CDC73: variants seen among roughly 807,000 people sequenced by gnomAD.
The protein encoded by CDC73 is cell division cycle 73, also known as parafibromin.
Under a neutral mutation model 83.7 loss-of-function variants are expected in CDC73, and 21 were observed. That is an observed-to-expected ratio of 0.25 (90% confidence interval 0.18 to 0.36). CDC73 has a LOEUF of 0.36. CDC73 is among the 10% of genes least tolerant of loss of function. The pLI is 1.00. For synonymous variants in CDC73, 224 were observed against 212.9 expected (o/e 1.05, Z -0.45); for missense variants, 342 against 653.3 (o/e 0.52, Z 5.19).
In CDC73 at chr1:193,212,437, A is replaced by G; in HGVS notation, c.1114A>G (p.Ile372Val). 1 of 1,608,578 alleles carries G rather than the reference A, an allele frequency of 6.2e-7. No homozygotes were observed. The highest frequency in any genetic ancestry group is 2.2e-5 in the East Asian group (1 of 44,672). ...AATTCCTGCAGCTACCACCTCTTTA[A>G]TAACCATGCTTAATGCAAAAGACCT... is the stretch of plus-strand genomic sequence containing the variant. ...IIIPAATTSL[I>V]TMLNAKDLLQ... is the part of the protein sequence containing the mutation. The change falls in exon 13 of 17, where the codon ATA becomes GTA. Residue 372 changes from isoleucine (I) to valine (V), a missense_variant. Transcript: ENST00000367435.
chr1:193,209,674 T>C lies in CDC73; in HGVS notation c.1031-2391T>C, dbSNP rs189395752. On this transcript the variant is annotated intron_variant, in intron 11 of 16. Coordinates refer to ENST00000367435, the MANE Select transcript of CDC73 (RefSeq NM_024529.5). ...TTATATTCTTTTGCAGTTATCTTTT[T>C]TAACTAAACCTCTAAACTTTATTTT... 2.8e-3 allele frequency among the ~76,000 whole-genome samples: 429 copies of C among 152,340 alleles called. 3 individuals carry two copies. Among genetic ancestry groups the C allele is most frequent in the Non-Finnish European group, 4.9e-3 (333 of 68,034 alleles).
At chr1:193,184,981 TTCTTGAGC>T (rs1423695679) in intron 10 of CDC73, among the ~76,000 whole-genome samples, 7 of 152,042 alleles carry the variant, frequency 4.6e-5, no homozygotes, top group Non-Finnish European at 1.0e-4. Flanking sequence ...TATCTTTAAG[TTCTTGAGC>T]CCTGAGTTGC....
chr1:193,220,256 TC>T (rs1677444759), intron 13 of CDC73, among the ~76,000 whole-genome samples: 1 of 134,854 alleles, frequency 7.4e-6, no homozygotes, highest in African/African-American at 2.8e-5. Flanking sequence ...AACCTCCACC[TC>T]CCGGGTTCAA....
chr1:193,172,329 A>G (rs1172733497), intron 10 of CDC73, among the ~76,000 whole-genome samples: 2 of 150,254 alleles, frequency 1.3e-5, no homozygotes, highest in East Asian at 2.0e-4. Context: ...TGATAAAGTT[A>G]TGAGGTTTCT....
intron 2 of CDC73, among the ~76,000 whole-genome samples, chr1:193,126,219 T>G (rs1558278398): frequency 6.6e-6 from 1 of 152,244 alleles, no homozygotes; most frequent in Admixed American, 6.5e-5. Context: ...TTTTTGGTTG[T>G]AAGGATTAAG....
intron 13 of CDC73, among the ~76,000 whole-genome samples, chr1:193,224,087 C>T (rs1011159852): frequency 4.6e-5 from 7 of 151,942 alleles, no homozygotes; most frequent in Non-Finnish European, 1.0e-4. Context: ...TTATTGAAAA[C>T]TAGGTCTTAT....
intron 10 of CDC73, among the ~76,000 whole-genome samples, chr1:193,165,417 G>A (rs1170486003): frequency 6.6e-6 from 1 of 152,172 alleles, no homozygotes; most frequent in Non-Finnish European, 1.5e-5. Context: ...AAATAGAGAA[G>A]TATAAAGAAG....
At chr1:193,164,941 G>C (rs1676410569) in intron 10 of CDC73, among the ~76,000 whole-genome samples, 3 of 152,200 alleles carry the variant, frequency 2.0e-5, no homozygotes, top group Admixed American at 2.0e-4. Flanking sequence ...GAGAGGTGAG[G>C]AGCGATAGAC....
chr1:193,123,595 AT>A (rs1248524215), intron 1 of CDC73, among the ~76,000 whole-genome samples: 4 of 152,120 alleles, frequency 2.6e-5, no homozygotes, highest in African/African-American at 7.2e-5. Context: ...ATCAAATGAC[AT>A]TCTGAGTTTC....
At chr1:193,150,858 T>C (rs1057211724) in intron 9 of CDC73, among the ~76,000 whole-genome samples, 56 of 152,356 alleles carry the variant, frequency 3.7e-4, no homozygotes, top group African/African-American at 1.3e-3. Context: ...TTAATAAATA[T>C]TGAATTCCCA....
At chr1:193,201,703 A>G (rs996034579) in intron 10 of CDC73, among the ~76,000 whole-genome samples, 3 of 152,232 alleles carry the variant, frequency 2.0e-5, no homozygotes, top group African/African-American at 7.2e-5. Context: ...AAAATAGACA[A>G]AAATTCCTAA....
At chr1:193,239,269 G>A (rs1677817572) in intron 15 of CDC73, among the ~76,000 whole-genome samples, 1 of 152,040 alleles carries the variant, frequency 6.6e-6, no homozygotes, top group African/African-American at 2.4e-5. Context: ...CCAGAAACTT[G>A]GGAGTATATT....
chr1:193,220,665 A>C (rs1677453158), intron 13 of CDC73, among the ~76,000 whole-genome samples: 1 of 152,122 alleles, frequency 6.6e-6, no homozygotes, highest in South Asian at 2.1e-4. Flanking sequence ...CTTTTTTTAA[A>C]AAATTTTTAG....
At position 193,212,497 on chromosome 1, in the gene CDC73, A is replaced by G. The variant is rs567786660; in HGVS notation, c.1154+20A>G. The G allele has an allele frequency of 7.4e-7, 1 of 1,345,742 alleles. No individual in the cohort carries two copies. Among genetic ancestry groups the G allele is most frequent in the Non-Finnish European group, 1.1e-6 (1 of 938,126 alleles). 83.4% of individuals were successfully genotyped at this position (1,345,742 alleles called of 1,614,324 possible). A position where few individuals can be genotyped will look rare whatever the true frequency, so the allele number is the denominator to read the frequency against. On this transcript the variant is annotated intron_variant, in intron 13 of 16. Transcript: ENST00000367435. ...CCTGAAGTAAGTAATTTATTAAACT[A>G]TCCTGTACGTAGGATATTGAGATAC...
intron 13 of CDC73, among the ~76,000 whole-genome samples, chr1:193,230,137 C>G (rs1294999984): frequency 6.6e-6 from 1 of 151,444 alleles, no homozygotes; most frequent in African/African-American, 2.4e-5. Flanking sequence ...GAATGACATT[C>G]CCATTCTTTT....
chr1:193,155,192 T>G (rs772656673), intron 10 of CDC73, among the ~76,000 whole-genome samples: 3 of 152,198 alleles, frequency 2.0e-5, no homozygotes, highest in Non-Finnish European at 2.9e-5. Flanking sequence ...TTCATAAGAA[T>G]CATGGGTTAG....
intron 10 of CDC73, among the ~76,000 whole-genome samples, chr1:193,158,100 AT>A (rs1175502683): frequency 6.6e-6 from 1 of 151,020 alleles, no homozygotes; most frequent in Non-Finnish European, 1.5e-5. Flanking sequence ...ATTTATTAAT[AT>A]ATGTATTTAG....
chr1:193,248,104 G>A (rs988256506), intron 15 of CDC73, among the ~76,000 whole-genome samples: 1 of 152,042 alleles, frequency 6.6e-6, no homozygotes, highest in African/African-American at 2.4e-5. Context: ...AACTTCAGAG[G>A]ACAGACTGAC....
intron 6 of CDC73, among the ~76,000 whole-genome samples, chr1:193,139,457 T>A (rs918073330): frequency 2.0e-5 from 3 of 152,160 alleles, no homozygotes; most frequent in Non-Finnish European, 4.4e-5. Context: ...TGCTCTTTTT[T>A]AAAAAACATA....
Sources: gnomAD v4.1 joint callset for allele counts (sites outside exome capture counted in the v4.1 genomes callset) on GRCh38, gnomAD v4.1.1 for gene constraint, MANE v1.5 for transcripts, NCBI Gene and HGNC (gene_info 2026-07-23, HGNC 2026-07-21) for gene names.